The following CD58 variants were observed in gnomAD, a reference collection of about 807,000 sequenced individuals.
CD58 encodes lymphocyte function-associated antigen 3.
In CD58, 14 loss-of-function variants were observed where a neutral mutation model predicts 27.6. The observed-to-expected ratio is 0.51, with a 90% CI of 0.34 to 0.79. The LOEUF is 0.79. Among genes scored for constraint, CD58 ranks in the 30% least tolerant of loss-of-function variants. The pLI is 0.02. For synonymous variants in CD58, 117 were observed against 103.8 expected (o/e 1.13, Z -0.77); for missense variants, 268 against 301.7 (o/e 0.89, Z 0.83).
At chr1:116,543,408 G>C (rs775853687) in intron 2 of CD58, among the ~76,000 whole-genome samples, 11 of 151,982 alleles carry the variant, frequency 7.2e-5, no homozygotes, top group Non-Finnish European at 1.6e-4. Context: ...AGGCGATCAA[G>C]GACAATATTG....
chr1:116,548,804 A>T (rs137951213), intron 1 of CD58, among the ~76,000 whole-genome samples: 1 of 152,342 alleles, frequency 6.6e-6, no homozygotes, highest in Non-Finnish European at 1.5e-5. Flanking sequence ...TGAAGTGACA[A>T]GACACCAAGA....
chr1:116,525,842 G>C (rs753078192), intron 3 of CD58, among the ~76,000 whole-genome samples: 90 of 152,164 alleles, frequency 5.9e-4, no homozygotes, highest in Non-Finnish European at 1.1e-3. Context: ...GTAGAAATGG[G>C]GTTTCCCCAT....
intron 1 of CD58, among the ~76,000 whole-genome samples, chr1:116,567,863 T>C (rs1382332497): frequency 6.6e-6 from 1 of 152,110 alleles, no homozygotes; most frequent in Non-Finnish European, 1.5e-5. Context: ...TCTCCAATAA[T>C]GTGACAAACA....
intron 1 of CD58, among the ~76,000 whole-genome samples, chr1:116,567,032 T>C (rs940358062): frequency 6.6e-6 from 1 of 150,710 alleles, no homozygotes; most frequent in Non-Finnish European, 1.5e-5. Flanking sequence ...TCCCAGCTAT[T>C]TGGAAACTGA....
rs1453511777 is a variant in CD58 at position 116,555,299 on chromosome 1, TA to T, written c.71-10696del. ...ATAAAAGATTGTTTTCAGGTTTGAATAAAATTGAGAGTCTTTTTACACTGGT... is the reference window on the plus strand; with the variant it reads ...ATAAAAGATTGTTTTCAGGTTTGAATAAATTGAGAGTCTTTTTACACTGGT... On this transcript the variant is annotated intron_variant, in intron 1 of 5. Coordinates refer to ENST00000369489, the MANE Select transcript of CD58 (RefSeq NM_001779.3). Among the ~76,000 whole-genome samples the T allele has an allele frequency of 5.3e-5, 8 of 152,244 alleles. No individual in the cohort carries two copies. The East Asian group carries it at 1.4e-3, about 26-fold the overall frequency.
chr1:116,561,977 T>C (rs1482014146), intron 1 of CD58, among the ~76,000 whole-genome samples: 1 of 152,160 alleles, frequency 6.6e-6, no homozygotes, highest in African/African-American at 2.4e-5. Context: ...AGTTTTCCTA[T>C]AGGAACACAC....
In CD58 at chr1:116,533,896, C is replaced by A. The variant is rs1032995100; in HGVS notation, c.628+2069G>T. On this transcript the variant is annotated intron_variant, in intron 3 of 5. Transcript: ENST00000369489. Reference sequence around the variant, plus strand: ...CTGAATTTGTTTCAATGCATTAATTCTTCTTTTTACTGCTTTAGGTAAAGT... The same window carrying A: ...CTGAATTTGTTTCAATGCATTAATTATTCTTTTTACTGCTTTAGGTAAAGT... The A allele has an allele frequency of 2.4e-6, 3 of 1,254,168 alleles. No homozygotes were observed. The African/African-American group carries it at 4.4e-5, about 19-fold the overall frequency. 77.7% of individuals were successfully genotyped at this position (1,254,168 alleles called of 1,614,324 possible). A position where few individuals can be genotyped will look rare whatever the true frequency, so the allele number is the denominator to read the frequency against.
rs1266845778 is a variant in CD58 at position 116,515,009 on chromosome 1, G to A, written c.744-187C>T. On this transcript the variant is annotated intron_variant, in intron 5 of 5. Transcript: ENST00000369489. This position sits in a 1 kb window ranked among gnomAD's most constrained non-coding sequence, Gnocchi z 4.6. The stretch of plus-strand genomic sequence containing the variant: ...GAGTGCTCTTGGGATAGTAGTCTGA[G>A]TAACACTTGAAGAACAGCCTTCAGG... 6.6e-6 allele frequency among the ~76,000 whole-genome samples: 1 copy of A among 152,204 alleles called. No individual in the cohort carries two copies. Among genetic ancestry groups the A allele is most frequent in the East Asian group, 1.9e-4 (1 of 5,202 alleles).
intron 1 of CD58, among the ~76,000 whole-genome samples, chr1:116,567,398 G>A (rs1658977219): frequency 6.6e-6 from 1 of 151,252 alleles, no homozygotes; most frequent in East Asian, 2.0e-4. Flanking sequence ...CACTTCGGTA[G>A]GCCAAGGAGG....
chr1:116,534,973 C>G lies in CD58; in HGVS notation c.628+992G>C, dbSNP rs1407408482. On this transcript the variant is annotated intron_variant, in intron 3 of 5. Transcript: ENST00000369489. The surrounding 1 kb of genome is among the most constrained non-coding windows in gnomAD (Gnocchi z 5.3). ...GCCCTGGAATCCTGTTCACTATTTA[C>G]AATTATATTATTCTGAATAATAGTA... 3.9e-5 allele frequency among the ~76,000 whole-genome samples: 6 copies of G among 152,156 alleles called. No individual in the cohort carries two copies. Among genetic ancestry groups the G allele is most frequent in the African/African-American group, 1.4e-4 (6 of 41,432 alleles).
intron 1 of CD58, chr1:116,560,055 T>TTTTGCCATTAAAAAAAAATAGCAAAAAC (rs1553206273): frequency 2.6e-5 from 4 of 153,482 alleles, no homozygotes; most frequent in Non-Finnish European, 5.9e-5. Context: ...AATTGCCGGT[T>TTTTGCCATTAAAAAAAAATAGCAAAAAC]TTTGCCATTA....
In CD58 at chr1:116,570,569, G is replaced by T. The variant is rs553780857; in HGVS notation, c.70+334C>A. Among the ~76,000 whole-genome samples, 1 of 152,182 alleles carries T rather than the reference G, an allele frequency of 6.6e-6. No individual in the cohort carries two copies. The highest frequency in any genetic ancestry group is 6.5e-5 in the Admixed American group (1 of 15,304). Reference sequence around the variant, plus strand: ...GCAGTCCGCTGAAGCGCTCAGCGACGTTACTGGGGAAGCCCAGGAAGGAAC... The same window carrying T: ...GCAGTCCGCTGAAGCGCTCAGCGACTTTACTGGGGAAGCCCAGGAAGGAAC... On this transcript the variant is annotated intron_variant, in intron 1 of 5. Transcript: ENST00000369489. This position sits in a 1 kb window ranked among gnomAD's most constrained non-coding sequence, Gnocchi z 6.4.
chr1:116,547,833 G>A (rs988015621), intron 1 of CD58, among the ~76,000 whole-genome samples: 1 of 152,110 alleles, frequency 6.6e-6, no homozygotes, highest in Non-Finnish European at 1.5e-5. Flanking sequence ...ACCCAGTAAT[G>A]GGATTGCTGG....
rs563008385 is a variant in CD58, at chr1:116,536,363, C to T, written c.365-135G>A. 8.4e-5 allele frequency: 52 copies of T among 618,964 alleles called. No homozygotes were observed. Among genetic ancestry groups the T allele is most frequent in the East Asian group, 2.8e-4 (10 of 35,976 alleles). The allele number at this position is 618,964 out of a possible 1,614,324, so 38.3% of individuals were successfully genotyped here. ...GACAAACTCCTTGAGCATCAAGGAG[C>T]GAGAATTCTTTCTTTTGCTAGGTCA... On this transcript the variant is annotated intron_variant, in intron 2 of 5. Transcript: ENST00000369489. This position sits in a 1 kb window ranked among gnomAD's most constrained non-coding sequence, Gnocchi z 5.4.
chr1:116,568,377 G>A (rs1360167767), intron 1 of CD58, among the ~76,000 whole-genome samples: 1 of 152,108 alleles, frequency 6.6e-6, no homozygotes, highest in African/African-American at 2.4e-5. Flanking sequence ...GAGAAAGTAC[G>A]CAAATGTTCA....
chr1:116,564,704 C>T (rs1488509661), intron 1 of CD58, among the ~76,000 whole-genome samples: 1 of 152,116 alleles, frequency 6.6e-6, no homozygotes, highest in Non-Finnish European at 1.5e-5. Context: ...GGGAAACTGC[C>T]CTTATGATTC....
Position 116,565,727 on chromosome 1 carries a change from GT to G in CD58, c.70+5175del, listed in dbSNP as rs71096875. Among the ~76,000 whole-genome samples, 182 of 140,988 alleles carry G rather than the reference GT, an allele frequency of 1.3e-3. No homozygotes were observed. In the Middle Eastern group the frequency reaches 0.018, roughly 14 times the overall value. The allele number at this position is 140,988 out of a possible 152,430, so 92.5% of individuals were successfully genotyped here. A position where few individuals can be genotyped will look rare whatever the true frequency, so the allele number is the denominator to read the frequency against. On this transcript the variant is annotated intron_variant, in intron 1 of 5. Transcript: ENST00000369489. ...TTTTTTTGTTTTGTTTTGTTTTTTTGTTTTTTTTTTTTGAGACAGAGTCTCA... is the reference window on the plus strand; with the variant it reads ...TTTTTTTGTTTTGTTTTGTTTTTTTGTTTTTTTTTTTGAGACAGAGTCTCA...
rs1349312736 is a variant in CD58, at chr1:116,522,970, G to A, written c.629-987C>T. On this transcript the variant is annotated intron_variant, in intron 3 of 5. Transcript: ENST00000369489. This position sits in a 1 kb window ranked among gnomAD's most constrained non-coding sequence, Gnocchi z 4.6. ...ATTTTCTCACAGGGTAACTATACTCGAGACTAATAAATATACTTATCTCAT... is the reference window on the plus strand; with the variant it reads ...ATTTTCTCACAGGGTAACTATACTCAAGACTAATAAATATACTTATCTCAT... Among the ~76,000 whole-genome samples the A allele has an allele frequency of 2.0e-5, 3 of 152,156 alleles. No individual in the cohort carries two copies. Among genetic ancestry groups the A allele is most frequent in the East Asian group, 1.9e-4 (1 of 5,182 alleles).
intron 5 of CD58, 48 bp from the exon 6 acceptor site, chr1:116,514,870 G>T: frequency 1.4e-6 from 2 of 1,429,370 alleles, no homozygotes; most frequent in Non-Finnish European, 2.0e-6. Context: ...AGTAAATCTG[G>T]GCTGCAGACC....
Sources: gnomAD v4.1 joint callset for allele counts (sites outside exome capture counted in the v4.1 genomes callset) on GRCh38, gnomAD v4.1.1 for gene constraint, Gnocchi (gnomAD v3.1) non-coding constraint, MANE v1.5 for transcripts, NCBI Gene and HGNC (gene_info 2026-07-23, HGNC 2026-07-21) for gene names.